The following TNR variants were observed in gnomAD, a reference collection of about 807,000 sequenced individuals.
TNR encodes the protein tenascin-R.
A neutral mutation model predicts 150.4 loss-of-function variants in TNR; 45 were observed. The observed-to-expected ratio is 0.30, with a 90% CI of 0.24 to 0.38. TNR has a LOEUF of 0.38. TNR is among the 10% of genes least tolerant of loss of function. The pLI is 1.00. For synonymous variants in TNR, 687 were observed against 678.4 expected (o/e 1.01, Z -0.20); for missense variants, 1,544 against 1,759.1 (o/e 0.88, Z 2.19).
In TNR at chr1:175,547,605, GAAA is replaced by G. The variant is rs1660749178; in HGVS notation, c.-164-19239_-164-19237del. On this transcript the variant is annotated intron_variant, in intron 1 of 22. Transcript: ENST00000367674. ...AGAAAGAAAGAAAGAAAGAAAGAAA[GAAA>G]GAAACAAAGAAACAAAGAAAGAAAG... Among the ~76,000 whole-genome samples the G allele has an allele frequency of 2.9e-3, 62 of 21,682 alleles. 1 individual carries two copies. Among genetic ancestry groups the G allele is most frequent in the African/African-American group, 4.7e-3 (57 of 12,126 alleles). The allele number at this position is 21,682 out of a possible 152,430, so 14.2% of individuals were successfully genotyped here.
At chr1:175,595,182 TA>T (rs1662961426) in intron 1 of TNR, among the ~76,000 whole-genome samples, 1 of 152,108 alleles carries the variant, frequency 6.6e-6, no homozygotes, top group Non-Finnish European at 1.5e-5. Context: ...AAAATTATTT[TA>T]GGATAGGAAT....
intron 1 of TNR, among the ~76,000 whole-genome samples, chr1:175,534,936 C>T (rs1660212111): frequency 6.6e-6 from 1 of 152,030 alleles, no homozygotes; most frequent in African/African-American, 2.4e-5. Flanking sequence ...GGGGCTTTTC[C>T]CCCTTTGCTT....
At chr1:175,451,252 G>A (rs1056358112) in intron 2 of TNR, among the ~76,000 whole-genome samples, 1 of 150,422 alleles carries the variant, frequency 6.6e-6, no homozygotes, top group Non-Finnish European at 1.5e-5. Flanking sequence ...TTAAGTTCTA[G>A]GGTACACGTG....
Position 175,365,068 on chromosome 1 carries a change from G to C in TNR, c.2529C>G (p.Asn843Lys). Residue 843 changes from asparagine to lysine, a missense_variant, in exon 12 of 23, where the codon AAC (asparagine) becomes AAG (lysine). Physicochemically the swap from Asn to Lys is moderately conservative, Grantham distance 94. Around this residue, in one of 2 missense-constraint regions of TNR, gnomAD observed 1,254 missense variants for 1,329.4 expected, o/e 0.94. Transcript: ENST00000367674. ...TCACTGTGCCATGGACAGCCACAAG[G>C]TTCACAATATACTCTGTGGCTGGTT... The part of the protein sequence containing the change: ...GLQPATEYIV[N>K]LVAVHGTVTS... 1 of 1,614,086 alleles carries C rather than the reference G, an allele frequency of 6.2e-7. No individual in the cohort carries two copies. Among genetic ancestry groups the C allele is most frequent in the East Asian group, 2.2e-5 (1 of 44,868 alleles).
intron 2 of TNR, among the ~76,000 whole-genome samples, chr1:175,432,451 A>T (rs1030602625): frequency 6.6e-6 from 1 of 152,188 alleles, no homozygotes; most frequent in Non-Finnish European, 1.5e-5. Context: ...ACCCCTAAGG[A>T]TAGAAAACGG....
chr1:175,383,677 A>G (rs1284595117), intron 8 of TNR, among the ~76,000 whole-genome samples: 1 of 152,258 alleles, frequency 6.6e-6, no homozygotes, highest in Non-Finnish European at 1.5e-5. Context: ...TGTCGGAGCC[A>G]TCACCTGGAA....
Position 175,393,479 on chromosome 1 carries a change from A to C in TNR, c.1356+301T>G, listed in dbSNP as rs189800448. Among the ~76,000 whole-genome samples, 146 of 152,290 alleles carry C rather than the reference A, an allele frequency of 9.6e-4. 3 individuals carry two copies. The highest frequency in any genetic ancestry group is 3.4e-3 in the Middle Eastern group (1 of 294). ...GGGTCTGGTTTTCATGCTCACCAAA[A>C]CTATGGCTCATCAGACCCCAGAGTT... On this transcript the variant is annotated intron_variant, in intron 6 of 22. Transcript: ENST00000367674.
chr1:175,540,020 TTC>T (rs2102188144), intron 1 of TNR, among the ~76,000 whole-genome samples: 1 of 152,160 alleles, frequency 6.6e-6, no homozygotes, highest in Admixed American at 6.5e-5. Flanking sequence ...CCCTCACACT[TTC>T]TGTGCTTTTC....
At chr1:175,692,390 A>G (rs1425225567) in intron 1 of TNR, among the ~76,000 whole-genome samples, 2 of 152,216 alleles carry the variant, frequency 1.3e-5, no homozygotes, top group Admixed American at 6.5e-5. Context: ...TTCTTGTCAC[A>G]TCCTTCCAAG....
At chr1:175,435,706 G>A (rs1216328310) in intron 2 of TNR, among the ~76,000 whole-genome samples, 2 of 152,170 alleles carry the variant, frequency 1.3e-5, no homozygotes, top group Non-Finnish European at 2.9e-5. Flanking sequence ...TATTTTGCTC[G>A]TTAGTTGATG....
chr1:175,510,922 A>G (rs1659145333), intron 2 of TNR, among the ~76,000 whole-genome samples: 1 of 152,250 alleles, frequency 6.6e-6, no homozygotes, highest in African/African-American at 2.4e-5. Context: ...TATAGAAGTC[A>G]CATTAAGACT....
At chr1:175,592,787 T>G (rs1464919702) in intron 1 of TNR, among the ~76,000 whole-genome samples, 1 of 152,234 alleles carries the variant, frequency 6.6e-6, no homozygotes, top group East Asian at 1.9e-4. Context: ...CTTTGGTGCT[T>G]AGTCTCCTAG....
At chr1:175,541,131 C>T (rs923886313) in intron 1 of TNR, among the ~76,000 whole-genome samples, 26 of 152,224 alleles carry the variant, frequency 1.7e-4, no homozygotes, top group Admixed American at 1.6e-3. Flanking sequence ...GAGAAGACGT[C>T]CTGACATTCC....
At chr1:175,523,315 T>C (rs1398966419) in intron 2 of TNR, among the ~76,000 whole-genome samples, 2 of 152,232 alleles carry the variant, frequency 1.3e-5, no homozygotes, top group Non-Finnish European at 2.9e-5. Context: ...TATAAGCTTG[T>C]TTACACAATT....
chr1:175,558,873 G>C (rs1661299999), intron 1 of TNR, among the ~76,000 whole-genome samples: 1 of 152,140 alleles, frequency 6.6e-6, no homozygotes, highest in South Asian at 2.1e-4. Context: ...TTATACATTT[G>C]TCCAAACCCA....
At chr1:175,612,225 G>A (rs1663621328) in intron 1 of TNR, among the ~76,000 whole-genome samples, 1 of 152,168 alleles carries the variant, frequency 6.6e-6, no homozygotes, top group South Asian at 2.1e-4. Flanking sequence ...AGAGGTTACA[G>A]AGATGTGAGT....
intron 8 of TNR, among the ~76,000 whole-genome samples, chr1:175,380,453 C>T (rs1652618496): frequency 6.6e-6 from 1 of 152,038 alleles, no homozygotes; most frequent in African/African-American, 2.4e-5. Context: ...CGCCTGTAGT[C>T]TCAGCTACTT....
intron 2 of TNR, among the ~76,000 whole-genome samples, chr1:175,409,703 A>G (rs1274489031): frequency 6.6e-6 from 1 of 152,202 alleles, no homozygotes; most frequent in Non-Finnish European, 1.5e-5. Flanking sequence ...AAATCCTATA[A>G]TATGAGAGGG....
At chr1:175,369,127 T>C (rs1426530230) in intron 9 of TNR, among the ~76,000 whole-genome samples, 4 of 152,188 alleles carry the variant, frequency 2.6e-5, no homozygotes, top group African/African-American at 9.7e-5. Context: ...ATAACATCTG[T>C]GCTTTTCAAA....
Sources: allele counts gnomAD v4.1 joint callset (sites outside exome capture counted in the v4.1 genomes callset), GRCh38; gene constraint gnomAD v4.1.1; regional missense constraint gnomAD v4.1.1; transcripts MANE v1.5; gene names NCBI Gene and HGNC (gene_info 2026-07-23, HGNC 2026-07-21).